SYN2: variants seen among roughly 807,000 people sequenced by gnomAD.
SYN2 encodes the protein synapsin II.
Under a neutral mutation model 50.9 loss-of-function variants are expected in SYN2, and 19 were observed. The observed-to-expected ratio is 0.37, with a 90% CI of 0.26 to 0.55. SYN2 has a LOEUF of 0.55. Ranked by LOEUF, SYN2 falls within the 20% of genes least tolerant of loss-of-function variation. SYN2 has a pLI of 0.81. For synonymous variants in SYN2, 255 were observed against 224.9 expected (o/e 1.13, Z -1.20); for missense variants, 587 against 576.4 (o/e 1.02, Z -0.19).
chr3:12,068,886 A>G (rs1380134755), intron 1 of SYN2, among the ~76,000 whole-genome samples: 1 of 152,254 alleles, frequency 6.6e-6, no homozygotes, highest in African/African-American at 2.4e-5. Flanking sequence ...TTAACCAGAA[A>G]TAAAGCTCTA....
intron 1 of SYN2, among the ~76,000 whole-genome samples, chr3:12,018,903 C>T (rs142790493): frequency 1.2e-3 from 176 of 152,234 alleles, no homozygotes; most frequent in Non-Finnish European, 1.7e-3. Context: ...TGGTCATGGG[C>T]ACTTTTTCTA....
chr3:12,053,319 G>C (rs1047367334), intron 1 of SYN2, among the ~76,000 whole-genome samples: 1 of 152,136 alleles, frequency 6.6e-6, no homozygotes, highest in African/African-American at 2.4e-5. Flanking sequence ...TACTCAGGAG[G>C]CTGAGGCAGG....
chr3:12,165,951 G>A (rs553738743), intron 7 of SYN2, among the ~76,000 whole-genome samples: 8 of 152,074 alleles, frequency 5.3e-5, no homozygotes, highest in East Asian at 1.9e-4. Context: ...ATATAATCTC[G>A]GACAAGTCCT....
intron 1 of SYN2, among the ~76,000 whole-genome samples, chr3:12,103,332 A>G (rs536023633): frequency 1.3e-5 from 2 of 152,338 alleles, no homozygotes; most frequent in South Asian, 4.1e-4. Context: ...AAGAAAGGCA[A>G]GCAAAGAAGT....
intron 1 of SYN2, among the ~76,000 whole-genome samples, chr3:12,011,459 G>T (rs1693910933): frequency 6.6e-6 from 1 of 152,204 alleles, no homozygotes; most frequent in Non-Finnish European, 1.5e-5. Flanking sequence ...GATACCACAG[G>T]TGCCTGAACT....
In SYN2 at chr3:12,189,580, G is replaced by A. The variant is rs189280223; in HGVS notation, c.1614-910G>A. Among the ~76,000 whole-genome samples the A allele has an allele frequency of 6.2e-4, 94 of 152,166 alleles. 1 individual carries two copies. Among genetic ancestry groups the A allele is most frequent in the Admixed American group, 2.9e-3 (45 of 15,288 alleles). On this transcript the variant is annotated intron_variant, in intron 12 of 12. Coordinates refer to ENST00000621198, the MANE Select transcript of SYN2 (RefSeq NM_133625.6). ...TCCCAGCACTTTAGGAGGCAGAGGC[G>A]GACGGATCATGAGGTCAGGAGTTCA...
intron 1 of SYN2, among the ~76,000 whole-genome samples, chr3:12,009,656 G>C (rs1465073348): frequency 6.6e-6 from 1 of 152,064 alleles, no homozygotes; most frequent in Non-Finnish European, 1.5e-5. Context: ...GTTTGTGTCG[G>C]CTTCTTTTAA....
chr3:12,173,869 G>A (rs905981597), intron 10 of SYN2, among the ~76,000 whole-genome samples: 3 of 152,036 alleles, frequency 2.0e-5, no homozygotes, highest in Non-Finnish European at 2.9e-5. Context: ...AGCCGAGATC[G>A]TACCAGTGCA....
chr3:12,176,371 C>A (rs1698068475), intron 10 of SYN2, among the ~76,000 whole-genome samples: 1 of 152,136 alleles, frequency 6.6e-6, no homozygotes, highest in Non-Finnish European at 1.5e-5. Context: ...TAAAATTCTC[C>A]AGAGCCAGAA....
intron 1 of SYN2, among the ~76,000 whole-genome samples, chr3:12,097,200 C>T (rs1470890426): frequency 1.2e-4 from 18 of 152,178 alleles, no homozygotes; most frequent in Admixed American, 1.2e-3. Flanking sequence ...AATCATGCTG[C>T]TATAAAGACA....
intron 1 of SYN2, among the ~76,000 whole-genome samples, chr3:12,015,986 A>T (rs1390651712): frequency 2.0e-5 from 3 of 152,214 alleles, no homozygotes; most frequent in Non-Finnish European, 1.5e-5. Flanking sequence ...CTGTACAAAG[A>T]GGCTTGGGCT....
chr3:12,052,201 G>C (rs777580892), intron 1 of SYN2, among the ~76,000 whole-genome samples: 8 of 152,108 alleles, frequency 5.3e-5, no homozygotes, highest in Admixed American at 1.3e-4. Flanking sequence ...CATTTTAAAA[G>C]TCTCACAGTA....
chr3:12,018,766 G>A (rs879552895), intron 1 of SYN2, among the ~76,000 whole-genome samples: 14 of 152,096 alleles, frequency 9.2e-5, no homozygotes, highest in Non-Finnish European at 1.6e-4. Flanking sequence ...AATGTCTATG[G>A]GAGGACTTTG....
chr3:12,185,253 A>G (rs1247159083), intron 11 of SYN2: 20 of 985,716 alleles, frequency 2.0e-5, no homozygotes, highest in African/African-American at 3.5e-5. Context: ...GAATGGAGGA[A>G]TACATTATTT....
At chr3:12,159,112 A>C (rs1697562390) in intron 5 of SYN2, 3 of 436,208 alleles carry the variant, frequency 6.9e-6, no homozygotes, top group Non-Finnish European at 1.2e-5. Context: ...TCATGAAGCG[A>C]TCTGGAAGCA....
At chr3:12,018,984 A>C (rs17612444) in intron 1 of SYN2, among the ~76,000 whole-genome samples, 1 of 152,106 alleles carries the variant, frequency 6.6e-6, no homozygotes, top group South Asian at 2.1e-4. Context: ...TCTAGTTAGA[A>C]CTGTGTAGGT....
chr3:12,116,345 G>A (rs486147), intron 1 of SYN2, among the ~76,000 whole-genome samples: 1 of 152,152 alleles, frequency 6.6e-6, no homozygotes, highest in South Asian at 2.1e-4. Context: ...GAAGATAATA[G>A]GGACTTAGCT....
intron 1 of SYN2, among the ~76,000 whole-genome samples, chr3:12,057,287 C>CTGTGTGTG (rs59286785): frequency 0.066 from 8,852 of 133,778 alleles, 370 homozygotes; most frequent in African/African-American, 0.12. Flanking sequence ...GCAAGACTGT[C>CTGTGTGTG]TGTGTGTGTG....
chr3:12,135,323 G>A (rs77505671), intron 1 of SYN2, among the ~76,000 whole-genome samples: 77 of 152,284 alleles, frequency 5.1e-4, no homozygotes, highest in African/African-American at 1.9e-3. Context: ...ACTATTTCTA[G>A]TTTATTTTCT....
Sources: allele counts gnomAD v4.1 joint callset (sites outside exome capture counted in the v4.1 genomes callset), GRCh38; gene constraint gnomAD v4.1.1; transcripts MANE v1.5; gene names NCBI Gene and HGNC (gene_info 2026-07-23, HGNC 2026-07-21).